The following GPCPD1 variants were observed in gnomAD, a reference collection of about 807,000 sequenced individuals.
GPCPD1 encodes glycerophosphocholine phosphodiesterase 1.
In GPCPD1, 29 loss-of-function variants were observed where a neutral mutation model predicts 89.2. That is an observed-to-expected ratio of 0.33 (90% CI 0.24 to 0.44). The LOEUF (loss-of-function observed/expected upper bound fraction) is 0.44. GPCPD1 is among the 20% of genes least tolerant of loss of function. The pLI, the probability that GPCPD1 is intolerant of heterozygous loss-of-function variation, is 1.00. For missense variants in GPCPD1, 594 were observed against 808.9 expected (o/e 0.73, Z 3.22); for synonymous variants, 258 against 266.3 (o/e 0.97, Z 0.30).
At chr20:5,558,879 T>C in intron 17 of GPCPD1, 60 bp from the exon 18 acceptor site, 1 of 1,306,784 alleles carries the variant, frequency 7.7e-7, no homozygotes, top group Non-Finnish European at 1.0e-6. Flanking sequence ...TATTCCTTTT[T>C]GGAATTTTAG....
At chr20:5,567,416 C>A in intron 13 of GPCPD1, 67 bp downstream of exon 13, 13 of 1,494,392 alleles carry the variant, frequency 8.7e-6, no homozygotes, top group Non-Finnish European at 1.1e-5. Flanking sequence ...AGAACATAAC[C>A]ATATACAAGC....
intron 19 of GPCPD1, chr20:5,548,795 CAAGA>C (rs1428284902): frequency 3.4e-5 from 14 of 406,836 alleles, no homozygotes; most frequent in Non-Finnish European, 5.3e-5. Context: ...TGGTAGGAAA[CAAGA>C]GCAGAGTTAA....
chr20:5,581,725 A>G (rs568238478), intron 6 of GPCPD1, among the ~76,000 whole-genome samples: 46 of 151,868 alleles, frequency 3.0e-4, no homozygotes, highest in African/African-American at 1.1e-3. Flanking sequence ...TTTTTCATCA[A>G]CAGAGTCAAA....
chr20:5,573,946 G>C lies in GPCPD1; in HGVS notation c.1025C>G (p.Thr342Ser), dbSNP rs761860780. ...AGCAGCATTTCTTAAAGAAGCAATA[G>C]TATTTTCTTGAACTTTAGCCAGCCT... The part of the protein sequence containing the change: ...TAQLAKVQEN[T>S]IASLRNAASH... The change falls in exon 11 of 20, where the codon ACT becomes AGT. Residue 342 changes from threonine (T) to serine (S), a missense_variant. Physicochemically the swap from Thr to Ser is moderately conservative, Grantham distance 58 (BLOSUM62 1). Coordinates refer to ENST00000379019, the MANE Select transcript of GPCPD1 (RefSeq NM_019593.5). The C allele has an allele frequency of 5.9e-6, 9 of 1,516,472 alleles. No individual in the cohort carries two copies. The East Asian group carries it at 6.8e-5, about 11-fold the overall frequency. 93.9% of individuals were successfully genotyped at this position (1,516,472 alleles called of 1,614,324 possible).
chr20:5,580,670 G>A (rs1233111660), intron 6 of GPCPD1, among the ~76,000 whole-genome samples: 1 of 148,692 alleles, frequency 6.7e-6, no homozygotes, highest in Non-Finnish European at 1.5e-5. Flanking sequence ...AGCTTGCAGT[G>A]AGCCGAGATC....
At chr20:5,567,152 A>G (rs904807745) in intron 13 of GPCPD1, among the ~76,000 whole-genome samples, 4 of 152,374 alleles carry the variant, frequency 2.6e-5, no homozygotes, top group Admixed American at 2.6e-4. Flanking sequence ...ATTGTAAAAT[A>G]ATGACCATTA....
chr20:5,588,415 G>C (rs1979080407), intron 4 of GPCPD1, among the ~76,000 whole-genome samples: 2 of 152,240 alleles, frequency 1.3e-5, no homozygotes, highest in South Asian at 4.1e-4. Flanking sequence ...TGAGGCACGA[G>C]AATTGCTTGA....
At chr20:5,607,780 C>T (rs6139775) in intron 1 of GPCPD1, among the ~76,000 whole-genome samples, 57,398 of 150,158 alleles carry the variant, frequency 0.38, 11,584 homozygotes, top group Non-Finnish European at 0.45. Context: ...ATTGTGCCAC[C>T]ACACTCCTGC....
At chr20:5,604,648 CA>C (rs1362569708) in intron 1 of GPCPD1, among the ~76,000 whole-genome samples, 1 of 62,034 alleles carries the variant, frequency 1.6e-5, no homozygotes, top group African/African-American at 4.7e-5. Flanking sequence ...AGTGAAAAAG[CA>C]AAAAAATAAA....
At chr20:5,592,744 T>C (rs1297637992) in intron 4 of GPCPD1, among the ~76,000 whole-genome samples, 1 of 152,216 alleles carries the variant, frequency 6.6e-6, no homozygotes, top group Non-Finnish European at 1.5e-5. Context: ...ACTTTTTTTC[T>C]TTTCTGAATA....
At position 5,598,742 on chromosome 20, in the gene GPCPD1, C is replaced by G; in HGVS notation, c.129G>C (p.Glu43Asp). The G allele has an allele frequency of 3.7e-6, 6 of 1,607,312 alleles. No homozygotes were observed. The highest frequency in any genetic ancestry group is 4.3e-6 in the Non-Finnish European group (5 of 1,173,690). The stretch of plus-strand genomic sequence containing the variant: ...ATACTCACCTTTCACCTGTGTCATT[C>G]TCTGGAAGAAGAGCCACAGCATTTT... ...NPQNAVALLP[E>D]NDTGESMLWK... The change falls in exon 3 of 20, where the codon GAG (glutamate) becomes GAC (aspartate). Residue 43 changes from glutamate to aspartate, a missense_variant. Glu to Asp is a conservative substitution (Grantham distance 45). Coordinates refer to ENST00000379019, the MANE Select transcript of GPCPD1 (RefSeq NM_019593.5).
chr20:5,607,204 T>C (rs1041803926), intron 1 of GPCPD1, among the ~76,000 whole-genome samples: 1 of 152,060 alleles, frequency 6.6e-6, no homozygotes, highest in Admixed American at 6.6e-5. Flanking sequence ...GGAGAATCAC[T>C]TGAACCTGGG....
intron 11 of GPCPD1, among the ~76,000 whole-genome samples, chr20:5,573,393 T>C (rs1175774988): frequency 6.6e-6 from 1 of 152,178 alleles, no homozygotes; most frequent in African/African-American, 2.4e-5. Context: ...GCCAGCATTC[T>C]TTTTTGAGAT....
At chr20:5,600,778 G>C (rs755943841) in intron 2 of GPCPD1, among the ~76,000 whole-genome samples, 3 of 151,996 alleles carry the variant, frequency 2.0e-5, no homozygotes, top group Non-Finnish European at 4.4e-5. Flanking sequence ...GCTGCAGTGA[G>C]CCAAGATCAC....
chr20:5,559,820 G>T (rs752808540), intron 17 of GPCPD1, 120 bp downstream of exon 17: 3 of 551,828 alleles, frequency 5.4e-6, no homozygotes, highest in Non-Finnish European at 9.6e-6. Flanking sequence ...CACACAACCT[G>T]ACATGATTTC....
intron 15 of GPCPD1, among the ~76,000 whole-genome samples, chr20:5,563,742 AG>A (rs1986219614): frequency 6.6e-6 from 1 of 152,188 alleles, no homozygotes; most frequent in African/African-American, 2.4e-5. Flanking sequence ...TCCTTTTTGC[AG>A]AATGAATAAT....
intron 14 of GPCPD1, among the ~76,000 whole-genome samples, chr20:5,565,593 A>T (rs1371971536): frequency 6.6e-6 from 1 of 152,180 alleles, no homozygotes; most frequent in Non-Finnish European, 1.5e-5. Flanking sequence ...TTTTCTAAAT[A>T]AGCATCATGA....
intron 4 of GPCPD1, among the ~76,000 whole-genome samples, chr20:5,590,925 A>G (rs1285285830): frequency 6.6e-6 from 1 of 152,202 alleles, no homozygotes; most frequent in Non-Finnish European, 1.5e-5. Context: ...AAAATGAAGG[A>G]AAAATTTCAA....
At chr20:5,581,980 C>T (rs1389247624) in intron 6 of GPCPD1, among the ~76,000 whole-genome samples, 6 of 147,814 alleles carry the variant, frequency 4.1e-5, no homozygotes, top group Non-Finnish European at 3.0e-5. Flanking sequence ...GTCAGGAGAT[C>T]GAGACCATCC....
Sources: allele counts gnomAD v4.1 joint callset (sites outside exome capture counted in the v4.1 genomes callset), GRCh38; gene constraint gnomAD v4.1.1; transcripts MANE v1.5; gene names NCBI Gene and HGNC (gene_info 2026-07-23, HGNC 2026-07-21).